WDPCP: variants seen among roughly 807,000 people sequenced by gnomAD.
WDPCP encodes WD repeat-containing and planar cell polarity effector protein fritz homolog.
In WDPCP, 71 loss-of-function variants were observed where a neutral mutation model predicts 93.1. The ratio of observed to expected loss-of-function variants is 0.76; its 90% CI spans 0.63 to 0.93. The LOEUF (loss-of-function observed/expected upper bound fraction) is 0.93. Ranked by LOEUF, WDPCP falls within the 40% of genes least tolerant of loss-of-function variation. The pLI, the probability that WDPCP is intolerant of heterozygous loss-of-function variation, is 0.00. For synonymous variants in WDPCP, 315 were observed against 315.0 expected (o/e 1.00, Z 0.00); for missense variants, 844 against 887.4 (o/e 0.95, Z 0.62).
intron 12 of WDPCP, among the ~76,000 whole-genome samples, chr2:63,352,481 A>G (rs1689704458): frequency 6.6e-6 from 1 of 152,232 alleles, no homozygotes; most frequent in African/African-American, 2.4e-5. Context: ...ACCATTTTCA[A>G]TGTTGAGTGC....
chr2:63,375,946 C>A (rs966026243), intron 12 of WDPCP, among the ~76,000 whole-genome samples: 1 of 151,846 alleles, frequency 6.6e-6, no homozygotes, highest in African/African-American at 2.4e-5. Flanking sequence ...ATGGTCTTTA[C>A]TGTTTAGGGA....
intron 13 of WDPCP, among the ~76,000 whole-genome samples, chr2:63,297,644 A>G (rs1316433142): frequency 1.3e-5 from 2 of 152,178 alleles, no homozygotes; most frequent in African/African-American, 4.8e-5. Flanking sequence ...TTGGGAGTTG[A>G]TTTAACCATG....
chr2:63,260,727 T>C (rs974426941), intron 13 of WDPCP, among the ~76,000 whole-genome samples: 72 of 152,176 alleles, frequency 4.7e-4, no homozygotes, highest in African/African-American at 1.5e-3. Context: ...CTTTTGTATT[T>C]TTAGTAGAGA....
chr2:63,599,844 C>G lies in WDPCP; in HGVS notation n.488+50815G>C, dbSNP rs565942322. On this transcript the variant is annotated intron_variant and non_coding_transcript_variant, in intron 3 of 4. Coordinates refer to the WDPCP transcript ENST00000467687. ...AAGTCTGTTGCTAATTTTCTTTACT[C>G]TTAGAGCCATAGATAAGTATGCCAA... The G allele has an allele frequency of 2.0e-5, 3 of 152,322 alleles. No homozygotes were observed. In the East Asian group the frequency reaches 5.8e-4, roughly 29 times the overall value. The allele number at this position is 152,322 out of a possible 1,614,324, so 9.4% of individuals were successfully genotyped here. A position where few individuals can be genotyped will look rare whatever the true frequency, so the allele number is the denominator to read the frequency against.
intron 14 of WDPCP, among the ~76,000 whole-genome samples, chr2:63,235,814 C>G (rs1574949997): frequency 1.3e-5 from 2 of 152,152 alleles, no homozygotes; most frequent in Admixed American, 1.3e-4. Flanking sequence ...GATAAAAACC[C>G]TCAACAAACT....
chr2:63,821,498 CT>C (rs1182628726), intron 1 of WDPCP, among the ~76,000 whole-genome samples: 1 of 152,130 alleles, frequency 6.6e-6, no homozygotes, highest in Non-Finnish European at 1.5e-5. Flanking sequence ...GTGAAAGGTT[CT>C]TTTTCTCATC....
At chr2:63,577,071 A>G (rs1481968893) in intron 1 of WDPCP, among the ~76,000 whole-genome samples, 1 of 152,234 alleles carries the variant, frequency 6.6e-6, no homozygotes, top group African/African-American at 2.4e-5. Context: ...GCAATCAAGA[A>G]GTTCTAGTCA....
At chr2:63,758,444 GT>G (rs1670001331) in intron 2 of WDPCP, among the ~76,000 whole-genome samples, 1 of 151,984 alleles carries the variant, frequency 6.6e-6, no homozygotes, top group South Asian at 2.1e-4. Flanking sequence ...GTTTTGTTTT[GT>G]TTTTGCTTTT....
At chr2:63,487,539 C>G (rs1357745873) in intron 2 of WDPCP, 45 bp from the exon 3 acceptor site, 1 of 1,449,966 alleles carries the variant, frequency 6.9e-7, no homozygotes, top group South Asian at 1.2e-5. Flanking sequence ...TTAAAAGTCC[C>G]AGAGAATAAG....
intron 1 of WDPCP, among the ~76,000 whole-genome samples, chr2:63,501,835 C>A (rs757288486): frequency 6.6e-6 from 1 of 152,130 alleles, no homozygotes; most frequent in African/African-American, 2.4e-5. Flanking sequence ...AGGCTGGTCT[C>A]GAACTCCTGA....
chr2:63,823,199 CAAA>C (rs535622796), intron 1 of WDPCP, among the ~76,000 whole-genome samples: 1 of 117,288 alleles, frequency 8.5e-6, no homozygotes, highest in African/African-American at 3.2e-5. Context: ...AAGTTTCACC[CAAA>C]AAAAAAAAAA....
chr2:63,314,499 C>A (rs2103982592), intron 12 of WDPCP, among the ~76,000 whole-genome samples: 1 of 152,206 alleles, frequency 6.6e-6, no homozygotes, highest in South Asian at 2.1e-4. Context: ...AAGGTAAATT[C>A]TTACCTTTTG....
intron 6 of WDPCP, among the ~76,000 whole-genome samples, chr2:63,458,193 T>A (rs147327514): frequency 5.9e-4 from 81 of 138,258 alleles, no homozygotes; most frequent in African/African-American, 2.0e-3. Flanking sequence ...CTAATCGACA[T>A]AGTACTAGAA....
intron 2 of WDPCP, among the ~76,000 whole-genome samples, chr2:63,739,348 C>T (rs1475775536): frequency 6.6e-6 from 1 of 152,080 alleles, no homozygotes; most frequent in African/African-American, 2.4e-5. Flanking sequence ...TTCCACAAAA[C>T]ACATGATCTC....
intron 1 of WDPCP, among the ~76,000 whole-genome samples, chr2:63,503,247 T>G (rs1701665040): frequency 6.6e-6 from 1 of 152,230 alleles, no homozygotes; most frequent in African/African-American, 2.4e-5. Flanking sequence ...TTCTTTCTAC[T>G]CATTACATGC....
At chr2:63,693,627 G>C (rs566828755) in intron 2 of WDPCP, among the ~76,000 whole-genome samples, 1 of 152,110 alleles carries the variant, frequency 6.6e-6, no homozygotes, top group African/African-American at 2.4e-5. Context: ...GACCTGATCA[G>C]AACAGACCCC....
chr2:63,532,990 A>G (rs1413259489), intron 1 of WDPCP, among the ~76,000 whole-genome samples: 2 of 152,162 alleles, frequency 1.3e-5, no homozygotes, highest in Admixed American at 1.3e-4. Context: ...ACACATATAG[A>G]CTCAAAATAA....
At chr2:63,622,081 T>TTGTA in intron 3 of WDPCP, 1 of 1,104,580 alleles carries the variant, frequency 9.1e-7, no homozygotes. Context: ...TTTTTTTTTT[T>TTGTA]TTTGGAAGTT....
rs563756423 is a variant in WDPCP, at chr2:63,318,813, T to C, written c.1749-5502A>G. Among the ~76,000 whole-genome samples the C allele has an allele frequency of 4.6e-5, 7 of 152,238 alleles. No homozygotes were observed. In the South Asian group the frequency reaches 6.2e-4, roughly 14 times the overall value. On this transcript the variant is annotated intron_variant, in intron 12 of 17. Coordinates refer to ENST00000272321, the MANE Select transcript of WDPCP (RefSeq NM_015910.7). ...AATTGAAAAAGTACCTATCGAATAC[T>C]ATGCTCATTAGTAGCATAGTTATTC...
Sources: allele counts gnomAD v4.1 joint callset (sites outside exome capture counted in the v4.1 genomes callset), GRCh38; gene constraint gnomAD v4.1.1; transcripts MANE v1.5; gene names NCBI Gene and HGNC (gene_info 2026-07-23, HGNC 2026-07-21).